The following PAQR3 variants were observed in gnomAD, a reference collection of about 807,000 sequenced individuals.
PAQR3 encodes the protein Raf kinase trapping to Golgi.
In PAQR3, 39 loss-of-function variants were observed where a neutral mutation model predicts 41.7. The ratio of observed to expected loss-of-function variants is 0.93; its 90% confidence interval spans 0.72 to 1.22. The LOEUF is 1.22. PAQR3 is among the 50% of genes most tolerant of loss of function. The pLI is 0.00. For synonymous variants in PAQR3, 140 were observed against 140.6 expected, an observed-to-expected ratio of 1.00 and a Z score of 0.03; for missense variants, 366 against 385.6, an observed-to-expected ratio of 0.95 and a Z score of 0.42.
rs141683126 is a variant in PAQR3, at chr4:78,926,711, C to T, written c.512G>A (p.Arg171His). Reference protein sequence around the residue: ...FYAFYCNNYWRQVYLITVLAM... With the variant: ...FYAFYCNNYWHQVYLITVLAM... ...AAGCACTGTGATCAAGTACACCTGA[C>T]GCCAGTACTAGAATGAAAGGAAATC... The change falls in exon 4 of 6, where the codon CGT becomes CAT. Residue 171 changes from arginine (R) to histidine (H), a missense_variant. Physicochemically the swap from Arg to His is conservative, Grantham distance 29. Coordinates refer to ENST00000512733, the MANE Select transcript of PAQR3 (RefSeq NM_001040202.2). The T allele has an allele frequency of 2.9e-5, 47 of 1,613,158 alleles. No homozygotes were observed. The highest frequency in any genetic ancestry group is 6.7e-5 in the Admixed American group (4 of 59,968).
chr4:78,907,101 A>G (rs1238121971), downstream of PAQR3, among the ~76,000 whole-genome samples: 4 of 152,206 alleles, frequency 2.6e-5, no homozygotes, highest in Admixed American at 1.3e-4. Context: ...TAAATATTCT[A>G]TTGCTAAATA....
intron 2 of PAQR3, chr4:78,933,070 T>G (rs761745617): frequency 4.7e-6 from 2 of 428,606 alleles, no homozygotes; most frequent in Non-Finnish European, 9.4e-6. Context: ...CCACAAAAAC[T>G]AGTACCTGCA....
In PAQR3 at chr4:78,939,167, A is replaced by G. The variant is rs761831710; in HGVS notation, c.58T>C (p.Trp20Arg). Residue 20 changes from tryptophan (W) to arginine (R), a missense_variant, in exon 1 of 6, where the codon TGG (tryptophan) becomes CGG (arginine). By Grantham distance (101) the Trp-to-Arg change is moderately radical. Transcript: ENST00000512733. ...HYIELGSYQYWPVLVPRGIRL... is the reference protein window; with the variant it reads ...HYIELGSYQYRPVLVPRGIRL... ...ATGCCACGGGGCACCAGGACCGGCC[A>G]GTACTGGTAGCTGCCCAGCTCGATG... The G allele has an allele frequency of 1.2e-6, 2 of 1,612,756 alleles. No homozygotes were observed. Among genetic ancestry groups the G allele is most frequent in the African/African-American group, 1.3e-5 (1 of 74,886 alleles).
In PAQR3 at chr4:78,917,725, C is replaced by T; in HGVS notation, c.*2814G>A. 1 of 830,610 alleles carries T rather than the reference C, an allele frequency of 1.2e-6. No homozygotes were observed. The highest frequency in any genetic ancestry group is 5.6e-5 in the South Asian group (1 of 17,942). 51.5% of individuals were successfully genotyped at this position (830,610 alleles called of 1,614,324 possible). A position where few individuals can be genotyped will look rare whatever the true frequency, so the allele number is the denominator to read the frequency against. ...CACAGGAATAGGCTTTGCCCCTTGA[C>T]ATTTAATACAGGGCAAAGTATTATC... On this transcript the variant is annotated 3_prime_UTR_variant, in exon 6 of 6. Coordinates refer to ENST00000512733, the MANE Select transcript of PAQR3 (RefSeq NM_001040202.2).
chr4:78,931,185 TAAAAAAAAA>T (rs1553925635), intron 2 of PAQR3, among the ~76,000 whole-genome samples: 4 of 115,062 alleles, frequency 3.5e-5, no homozygotes, highest in South Asian at 2.8e-4. Flanking sequence ...CCTCATTTCT[TAAAAAAAAA>T]AAAAAAAAAA....
rs944944326 is a variant in PAQR3, at chr4:78,913,292, A to T, written c.*7247T>A. The T allele has an allele frequency of 5.3e-5, 8 of 152,146 alleles. No individual in the cohort carries two copies. The highest frequency in any genetic ancestry group is 6.5e-5 in the Admixed American group (1 of 15,270). The allele number at this position is 152,146 out of a possible 1,614,324, so 9.4% of individuals were successfully genotyped here. On this transcript the variant is annotated 3_prime_UTR_variant, in exon 6 of 6. Transcript: ENST00000512733. ...GGTGGACTAGCATCTTAATTCTGCT[A>T]GTTGATTGTGTCTTTACTGAAAAGA...
intron 11 of PAQR3, among the ~76,000 whole-genome samples, chr4:78,893,479 C>A (rs1383621057): frequency 4.6e-5 from 7 of 152,176 alleles, no homozygotes; most frequent in African/African-American, 1.7e-4. Context: ...ATGGTGAATT[C>A]TTTTCAGGTT....
rs750040274 is a variant in PAQR3, at chr4:78,923,860, G to C, written c.790C>G (p.Pro264Ala). 1.2e-6 allele frequency: 2 copies of C among 1,603,802 alleles called. No homozygotes were observed. The highest frequency in any genetic ancestry group is 1.7e-6 in the Non-Finnish European group (2 of 1,170,792). Residue 264 changes from proline to alanine, a missense_variant, in exon 5 of 6, where the codon CCA becomes GCA. Coordinates refer to ENST00000512733, the MANE Select transcript of PAQR3 (RefSeq NM_001040202.2). ...CTGCTATAAAAGAGATACCTACCTGGAAAGTACCGCTCTGGGACTTTGGAA... is the reference window on the plus strand; with the variant it reads ...CTGCTATAAAAGAGATACCTACCTGCAAAGTACCGCTCTGGGACTTTGGAA... ...YISKVPERYF[P>A]GQLNYLGSSH...
Position 78,914,581 on chromosome 4 carries a change from T to C in PAQR3, c.*5958A>G, listed in dbSNP as rs550977127. On this transcript the variant is annotated 3_prime_UTR_variant, in exon 6 of 6. Coordinates refer to ENST00000512733, the MANE Select transcript of PAQR3 (RefSeq NM_001040202.2). Reference sequence around the variant, plus strand: ...TATTCCCTTGTGAGAATTATGAGAATAAAGCTCCCAAGATATGTGAAAGTG... The same window carrying C: ...TATTCCCTTGTGAGAATTATGAGAACAAAGCTCCCAAGATATGTGAAAGTG... 6.6e-6 allele frequency: 1 copy of C among 152,068 alleles called. No homozygotes were observed. Among genetic ancestry groups the C allele is most frequent in the East Asian group, 1.9e-4 (1 of 5,182 alleles). The allele number at this position is 152,068 out of a possible 1,614,324, so 9.4% of individuals were successfully genotyped here.
chr4:78,912,343 C>A lies in PAQR3; in HGVS notation c.*8196G>T. The stretch of plus-strand genomic sequence containing the variant: ...CATGGCACCTTTCTAGGTGTGTAGC[C>A]ACTGAGAAGGGACAGTGAAACTGTT... On this transcript the variant is annotated 3_prime_UTR_variant, in exon 6 of 6. Transcript: ENST00000512733. The A allele has an allele frequency of 3.7e-6, 1 of 269,084 alleles. No homozygotes were observed. Among genetic ancestry groups the A allele is most frequent in the Non-Finnish European group, 7.0e-6 (1 of 143,268 alleles). 16.7% of individuals were successfully genotyped at this position (269,084 alleles called of 1,614,324 possible).
At chr4:78,932,880 G>T (rs1437022873) in intron 2 of PAQR3, among the ~76,000 whole-genome samples, 1 of 151,852 alleles carries the variant, frequency 6.6e-6, no homozygotes, top group Non-Finnish European at 1.5e-5. Flanking sequence ...TGGCAAATTG[G>T]GTATGTTTCA....
At chr4:78,893,152 C>T (rs188366753) in intron 11 of PAQR3, among the ~76,000 whole-genome samples, 41 of 152,300 alleles carry the variant, frequency 2.7e-4, no homozygotes, top group Non-Finnish European at 5.9e-5. Context: ...ATTCTAAATT[C>T]TTGGAGTCAT....
downstream of PAQR3, chr4:78,911,055 C>T (rs773371419): frequency 8.7e-6 from 14 of 1,613,780 alleles, no homozygotes; most frequent in Non-Finnish European, 1.1e-5. Context: ...ATACAATACT[C>T]CTCACCTCAG....
chr4:78,930,056 T>C (rs1022986701), intron 3 of PAQR3, 114 bp downstream of exon 3: 2 of 1,014,864 alleles, frequency 2.0e-6, no homozygotes, highest in African/African-American at 3.3e-5. Context: ...TACGAGACTC[T>C]TCTATTTAGT....
At chr4:78,921,902 C>G (rs1219013720) in intron 5 of PAQR3, 1 of 984,932 alleles carries the variant, frequency 1.0e-6, no homozygotes, top group African/African-American at 1.7e-5. Context: ...CTACATAGGG[C>G]ACATTTTATG....
chr4:78,923,834 A>C lies in PAQR3; in HGVS notation c.793+23T>G, dbSNP rs764964934. 34 of 1,510,806 alleles carry C rather than the reference A, an allele frequency of 2.3e-5. 1 individual carries two copies. The South Asian group carries it at 3.7e-4, about 16-fold the overall frequency. The allele number at this position is 1,510,806 out of a possible 1,614,324, so 93.6% of individuals were successfully genotyped here. On this transcript the variant is annotated intron_variant, in intron 5 of 5. Coordinates refer to ENST00000512733, the MANE Select transcript of PAQR3 (RefSeq NM_001040202.2). ...CATATATTTAGACTAACAATACAAAACTGCTATAAAAGAGATACCTACCTG... is the reference window on the plus strand; with the variant it reads ...CATATATTTAGACTAACAATACAAACCTGCTATAAAAGAGATACCTACCTG...
At chr4:78,922,441 G>A in intron 5 of PAQR3, 1 of 1,288,396 alleles carries the variant, frequency 7.8e-7, no homozygotes, top group South Asian at 1.2e-5. Context: ...GGAAGAAGAG[G>A]GGATAAATTT....
intron 2 of PAQR3, among the ~76,000 whole-genome samples, chr4:78,931,501 T>C (rs2110162109): frequency 6.6e-6 from 1 of 152,328 alleles, no homozygotes; most frequent in African/African-American, 2.4e-5. Flanking sequence ...GTTCTGATAA[T>C]TGATAAGGTT....
chr4:78,925,474 C>T (rs1736101470), intron 4 of PAQR3, among the ~76,000 whole-genome samples: 1 of 152,162 alleles, frequency 6.6e-6, no homozygotes, highest in South Asian at 2.1e-4. Context: ...TTTATGAAGA[C>T]ATCATCACCC....
Sources: allele counts gnomAD v4.1 joint callset (sites outside exome capture counted in the v4.1 genomes callset), GRCh38; gene constraint gnomAD v4.1.1; transcripts MANE v1.5; gene names NCBI Gene and HGNC (gene_info 2026-07-23, HGNC 2026-07-21).